RSPO2: variants seen among roughly 807,000 people sequenced by gnomAD.
RSPO2 encodes the protein R-spondin 2.
In RSPO2, 14 loss-of-function variants were observed where a neutral mutation model predicts 30.9. The ratio of observed to expected loss-of-function variants is 0.45; its 90% CI spans 0.30 to 0.71. RSPO2 has a LOEUF of 0.71. Ranked by LOEUF, RSPO2 falls within the 30% of genes least tolerant of loss-of-function variation. RSPO2 has a pLI of 0.08. For missense variants in RSPO2, 264 were observed against 301.9 expected (o/e 0.87, Z 0.93); for synonymous variants, 107 against 96.4 (o/e 1.11, Z -0.64).
At chr8:107,913,327 A>G (rs1811878570) in intron 5 of RSPO2, among the ~76,000 whole-genome samples, 1 of 152,178 alleles carries the variant, frequency 6.6e-6, no homozygotes, top group Non-Finnish European at 1.5e-5. Flanking sequence ...TGAACTGGTC[A>G]TTCCTTTAAG....
intron 2 of RSPO2, among the ~76,000 whole-genome samples, chr8:108,046,594 G>A (rs1024772684): frequency 5.3e-5 from 8 of 151,928 alleles, no homozygotes; most frequent in Non-Finnish European, 1.2e-4. Context: ...TTCTTGGCCT[G>A]AAATTGGGCA....
In RSPO2 at chr8:107,922,040, C is replaced by T. The variant is rs192619090; in HGVS notation, c.617-20850G>A. ...GAAGCATTCCCCCTGAAAACTGGCA[C>T]GAGACAAGGATGTCCTCTCTCACCA... On this transcript the variant is annotated intron_variant, in intron 5 of 5. Coordinates refer to ENST00000276659, the MANE Select transcript of RSPO2 (RefSeq NM_178565.5). Among the ~76,000 whole-genome samples the T allele has an allele frequency of 2.2e-3, 332 of 152,210 alleles. 4 individuals are homozygous for T. Among genetic ancestry groups the T allele is most frequent in the African/African-American group, 7.1e-3 (294 of 41,542 alleles).
chr8:107,960,357 C>A (rs559331204), intron 4 of RSPO2, among the ~76,000 whole-genome samples: 206 of 151,822 alleles, frequency 1.4e-3, no homozygotes, highest in Non-Finnish European at 2.5e-3. Context: ...AACTTCTCTT[C>A]TGAACAAAAT....
intron 5 of RSPO2, among the ~76,000 whole-genome samples, chr8:107,926,869 A>G (rs558327560): frequency 5.9e-5 from 9 of 152,226 alleles, no homozygotes; most frequent in East Asian, 1.9e-4. Context: ...GGATTGACTT[A>G]GCAATGCGAG....
intron 2 of RSPO2, among the ~76,000 whole-genome samples, chr8:108,064,840 G>C (rs1431383848): frequency 1.3e-5 from 2 of 152,156 alleles, no homozygotes; most frequent in Admixed American, 1.3e-4. Context: ...ATACTATGCA[G>C]CCATAAACAA....
chr8:107,934,684 G>A (rs1354603531), intron 5 of RSPO2, among the ~76,000 whole-genome samples: 1 of 152,158 alleles, frequency 6.6e-6, no homozygotes, highest in African/African-American at 2.4e-5. Context: ...GTTGCGGGAA[G>A]TCAGAGACCC....
chr8:108,007,003 C>T (rs1437919129), intron 2 of RSPO2, among the ~76,000 whole-genome samples: 1 of 152,162 alleles, frequency 6.6e-6, no homozygotes, highest in Non-Finnish European at 1.5e-5. Context: ...TTTTACATAA[C>T]CACAATACCA....
rs34129228 is a variant in RSPO2 at position 107,899,436 on chromosome 8, TA to T, written c.*1638del. On this transcript the variant is annotated 3_prime_UTR_variant, in exon 6 of 6. Coordinates refer to ENST00000276659, the MANE Select transcript of RSPO2 (RefSeq NM_178565.5). ...CCACTTAGTAAATGGGAAAATAGTG[TA>T]AATAGACATGAAAGGAGGTAACACT... 10,763 of 152,626 alleles carry T rather than the reference TA, an allele frequency of 0.071. 521 individuals are homozygous for T. The highest frequency in any genetic ancestry group is 0.11 in the Non-Finnish European group (7,275 of 67,984). 9.5% of individuals were successfully genotyped at this position (152,626 alleles called of 1,614,324 possible). A position where few individuals can be genotyped will look rare whatever the true frequency, so the allele number is the denominator to read the frequency against.
chr8:107,954,037 G>A (rs1231819024), intron 5 of RSPO2, among the ~76,000 whole-genome samples: 1 of 152,120 alleles, frequency 6.6e-6, no homozygotes, highest in African/African-American at 2.4e-5. Flanking sequence ...GCAATCCCAT[G>A]CCTAGACTTA....
chr8:107,924,932 C>T (rs1812309061), intron 5 of RSPO2, among the ~76,000 whole-genome samples: 1 of 151,740 alleles, frequency 6.6e-6, no homozygotes, highest in African/African-American at 2.4e-5. Flanking sequence ...CAGGAGAATA[C>T]AGAGGTAGGG....
intron 2 of RSPO2, among the ~76,000 whole-genome samples, chr8:108,045,990 C>T (rs1396442083): frequency 1.3e-5 from 2 of 152,122 alleles, no homozygotes; most frequent in Non-Finnish European, 2.9e-5. Flanking sequence ...CTCAGGCATA[C>T]ATAAGTAAAT....
At chr8:107,978,038 C>T (rs1370490280) in intron 3 of RSPO2, among the ~76,000 whole-genome samples, 1 of 152,020 alleles carries the variant, frequency 6.6e-6, no homozygotes, top group Non-Finnish European at 1.5e-5. Flanking sequence ...ACTCCTTTTG[C>T]TATCTATCAA....
At chr8:107,953,398 A>G (rs1813317141) in intron 5 of RSPO2, among the ~76,000 whole-genome samples, 2 of 152,232 alleles carry the variant, frequency 1.3e-5, no homozygotes, top group African/African-American at 4.8e-5. Context: ...GGGAAAGCTG[A>G]ATCAAAACAA....
rs530482529 is a variant in RSPO2 at position 108,059,208 on chromosome 8, T to C, written c.94+23337A>G. 5.9e-4 allele frequency among the ~76,000 whole-genome samples: 90 copies of C among 151,534 alleles called. 3 individuals carry two copies. Among genetic ancestry groups the C allele is most frequent in the African/African-American group, 2.0e-3 (84 of 40,992 alleles). On this transcript the variant is annotated intron_variant, in intron 2 of 5. Transcript: ENST00000276659. Reference sequence around the variant, plus strand: ...GGCGAAGGACATGAACAGACACTTCTCAAAAGAAGACATTTATGCAGCCAA... The same window carrying C: ...GGCGAAGGACATGAACAGACACTTCCCAAAAGAAGACATTTATGCAGCCAA...
chr8:107,983,892 C>T (rs533125077), intron 3 of RSPO2: 50 of 1,415,534 alleles, frequency 3.5e-5, no homozygotes, highest in African/African-American at 1.4e-4. Flanking sequence ...TCCTGTCTTC[C>T]GCCCTTGGAT....
intron 5 of RSPO2, among the ~76,000 whole-genome samples, chr8:107,930,020 A>T (rs1812503979): frequency 6.6e-6 from 1 of 152,206 alleles, no homozygotes; most frequent in African/African-American, 2.4e-5. Flanking sequence ...CCACTTCTCT[A>T]GATCAGTACC....
chr8:107,910,662 C>A (rs1811792752), intron 5 of RSPO2, among the ~76,000 whole-genome samples: 1 of 152,156 alleles, frequency 6.6e-6, no homozygotes, highest in African/African-American at 2.4e-5. Context: ...AATACATTCC[C>A]CACTCTGTGC....
intron 4 of RSPO2, among the ~76,000 whole-genome samples, chr8:107,959,296 G>A (rs1371164808): frequency 6.6e-6 from 1 of 152,160 alleles, no homozygotes; most frequent in African/African-American, 2.4e-5. Context: ...TCAGTCATTT[G>A]AAAATGTATG....
chr8:108,055,928 G>C (rs912556205), intron 2 of RSPO2, among the ~76,000 whole-genome samples: 3 of 152,128 alleles, frequency 2.0e-5, no homozygotes, highest in Admixed American at 6.6e-5. Context: ...TAAGAGCATG[G>C]CTGGGTCAGA....
Sources: gnomAD v4.1 joint callset for allele counts (sites outside exome capture counted in the v4.1 genomes callset) on GRCh38, gnomAD v4.1.1 for gene constraint, MANE v1.5 for transcripts, NCBI Gene and HGNC (gene_info 2026-07-23, HGNC 2026-07-21) for gene names.